TIPIN: variants seen among roughly 807,000 people sequenced by gnomAD.
TIPIN encodes the protein TIMELESS-interacting protein.
Under a neutral mutation model 35.6 loss-of-function variants are expected in TIPIN, and 29 were observed. The observed-to-expected ratio is 0.82, with a 90% confidence interval of 0.61 to 1.11. The LOEUF is 1.11. TIPIN is among the 50% of genes most tolerant of loss of function. The pLI is 0.00. For missense variants in TIPIN, 296 were observed against 345.4 expected (o/e 0.86, Z 1.13); for synonymous variants, 102 against 121.5 (o/e 0.84, Z 1.06).
chr15:66,355,887 A>T (rs538159849), intron 1 of TIPIN, among the ~76,000 whole-genome samples: 2 of 152,278 alleles, frequency 1.3e-5, no homozygotes, highest in East Asian at 3.9e-4. Flanking sequence ...AAATATATTA[A>T]GTGTACTCAG....
intron 1 of TIPIN, among the ~76,000 whole-genome samples, chr15:66,376,401 G>A (rs2140496275): frequency 6.6e-6 from 1 of 151,914 alleles, no homozygotes. Flanking sequence ...AAGGTTTTTT[G>A]GTATATATGT....
At chr15:66,339,131 C>CAAAAAAAAAAAAAAAA (rs35065958) in intron 7 of TIPIN, among the ~76,000 whole-genome samples, 2 of 20,582 alleles carry the variant, frequency 9.7e-5, no homozygotes, top group Non-Finnish European at 1.4e-4. Context: ...GACTCCATCT[C>CAAAAAAAAAAAAAAAA]AAAAAAAAAA....
rs1368504553 is a variant in TIPIN, at chr15:66,336,908, C to T, written c.*50G>A. 6.5e-7 allele frequency: 1 copy of T among 1,538,762 alleles called. No homozygotes were observed. The highest frequency in any genetic ancestry group is 8.9e-7 in the Non-Finnish European group (1 of 1,123,342). The stretch of plus-strand genomic sequence containing the variant: ...AAGAAGAAAAAATACATAGTAACGC[C>T]AAGCTTGCAGGACGATGACTTAACA... On this transcript the variant is annotated 3_prime_UTR_variant, in exon 8 of 8. Coordinates refer to ENST00000261881, the MANE Select transcript of TIPIN (RefSeq NM_017858.3).
intron 2 of TIPIN, 87 bp downstream of exon 2, chr15:66,352,728 G>A (rs1197708329): frequency 1.0e-4 from 140 of 1,390,612 alleles, no homozygotes; most frequent in Non-Finnish European, 1.3e-4. Context: ...TGATCCGCCC[G>A]CCTCAGCATC....
At chr15:66,382,822 G>A (rs1037466305) in intron 1 of TIPIN, 4 of 478,658 alleles carry the variant, frequency 8.4e-6, no homozygotes. Flanking sequence ...ATATGTTACA[G>A]TGTTTATTAT....
chr15:66,361,993 A>G (rs1473122335), intron 1 of TIPIN, among the ~76,000 whole-genome samples: 1 of 150,768 alleles, frequency 6.6e-6, no homozygotes, highest in East Asian at 2.0e-4. Flanking sequence ...AAGGAAATAG[A>G]AAGAAATTGA....
chr15:66,381,032 T>C (rs1458890374), intron 1 of TIPIN, among the ~76,000 whole-genome samples: 2 of 152,202 alleles, frequency 1.3e-5, no homozygotes, highest in Non-Finnish European at 2.9e-5. Context: ...ATCATTCTTC[T>C]GTATAGCTTT....
At chr15:66,362,277 T>C (rs1476225683) in intron 1 of TIPIN, among the ~76,000 whole-genome samples, 1 of 151,026 alleles carries the variant, frequency 6.6e-6, no homozygotes, top group African/African-American at 2.4e-5. Flanking sequence ...CATTCGAGCC[T>C]GGGCAACAAA....
At chr15:66,344,277 A>G (rs1010937824) in intron 6 of TIPIN, among the ~76,000 whole-genome samples, 2 of 151,980 alleles carry the variant, frequency 1.3e-5, no homozygotes, top group Non-Finnish European at 2.9e-5. Flanking sequence ...CCTGGCTTCA[A>G]ATGAACTCAA....
chr15:66,353,945 C>T (rs930521040), intron 1 of TIPIN, among the ~76,000 whole-genome samples: 8 of 152,130 alleles, frequency 5.3e-5, no homozygotes, highest in East Asian at 1.9e-4. Flanking sequence ...ACAGTGAAAC[C>T]CCGTCTCTAC....
upstream of TIPIN, among the ~76,000 whole-genome samples, chr15:66,360,581 G>A (rs2093226796): frequency 6.6e-6 from 1 of 152,196 alleles, no homozygotes; most frequent in South Asian, 2.1e-4. Context: ...TGTAATCCCA[G>A]CACTTTGGGA....
chr15:66,338,184 A>T (rs2093058976), intron 7 of TIPIN, among the ~76,000 whole-genome samples: 2 of 151,302 alleles, frequency 1.3e-5, no homozygotes, highest in Admixed American at 6.6e-5. Context: ...TGAACCTAGG[A>T]GGCGGAGGTT....
chr15:66,378,028 C>G (rs547444711), intron 1 of TIPIN, among the ~76,000 whole-genome samples: 1 of 149,744 alleles, frequency 6.7e-6, no homozygotes, highest in Non-Finnish European at 1.5e-5. Context: ...TTTTTTTAAA[C>G]AAAGTCTCAC....
rs544510658 is a variant in TIPIN, at chr15:66,354,219, C to A, written c.-8-1264G>T. Among the ~76,000 whole-genome samples the A allele has an allele frequency of 1.2e-4, 18 of 152,316 alleles. No individual in the cohort carries two copies. In the South Asian group the frequency reaches 3.5e-3, roughly 30 times the overall value. On this transcript the variant is annotated intron_variant, in intron 1 of 7. Transcript: ENST00000261881. The stretch of plus-strand genomic sequence containing the variant: ...TAGGCCTTGACTCTGCGATCCAGAT[C>A]ACTACTTCCCATTTTACACTTCCTA...
intron 1 of TIPIN, chr15:66,383,050 T>A: frequency 1.0e-6 from 1 of 967,734 alleles, no homozygotes; most frequent in Non-Finnish European, 1.2e-6. Context: ...GATAAGGGCT[T>A]AGGGTTTACT....
intron 1 of TIPIN, among the ~76,000 whole-genome samples, chr15:66,368,344 A>G (rs2093265456): frequency 6.8e-6 from 1 of 146,012 alleles, no homozygotes; most frequent in Non-Finnish European, 1.5e-5. Context: ...ACATAGCAAG[A>G]CCTCATCTTT....
Position 66,353,675 on chromosome 15 carries a change from TA to T in TIPIN, c.-8-721del, listed in dbSNP as rs1209106998. ...ACTACGTGCCCACAAAAATTAAAAA[TA>T]AAAAAAAATTTTTAAATGTGTTTAC... On this transcript the variant is annotated intron_variant, in intron 1 of 7. Coordinates refer to ENST00000261881, the MANE Select transcript of TIPIN (RefSeq NM_017858.3). 5.3e-5 allele frequency among the ~76,000 whole-genome samples: 8 copies of T among 150,602 alleles called. 1 individual carries two copies. Among genetic ancestry groups the T allele is most frequent in the African/African-American group, 2.0e-4 (8 of 40,970 alleles).
chr15:66,379,957 G>A (rs890826344), intron 1 of TIPIN: 5 of 898,240 alleles, frequency 5.6e-6, no homozygotes, highest in African/African-American at 1.7e-5. Context: ...TTTATTATAG[G>A]ATAAAAAGTA....
intron 1 of TIPIN, among the ~76,000 whole-genome samples, chr15:66,377,270 C>T (rs1356890710): frequency 6.6e-6 from 1 of 152,140 alleles, no homozygotes; most frequent in African/African-American, 2.4e-5. Flanking sequence ...ATTTGTATGA[C>T]TTTATCTGTG....
Sources: gnomAD v4.1 joint callset for allele counts (sites outside exome capture counted in the v4.1 genomes callset) on GRCh38, gnomAD v4.1.1 for gene constraint, MANE v1.5 for transcripts, NCBI Gene and HGNC (gene_info 2026-07-23, HGNC 2026-07-21) for gene names.